The following HSDL1 variants were observed in gnomAD, a reference collection of about 807,000 sequenced individuals.
HSDL1 encodes hydroxysteroid dehydrogenase like 1.
A neutral mutation model predicts 31.5 loss-of-function variants in HSDL1; 29 were observed. That is an observed-to-expected ratio of 0.92 (90% CI 0.69 to 1.26). The LOEUF (loss-of-function observed/expected upper bound fraction) is 1.26. Among genes scored for constraint, HSDL1 ranks in the 50% most tolerant of loss-of-function variants. The pLI, the probability that HSDL1 is intolerant of heterozygous loss-of-function variation, is 0.00. For synonymous variants in HSDL1, 222 were observed against 155.2 expected (o/e 1.43, Z -3.20); for missense variants, 503 against 416.6 (o/e 1.21, Z -1.81).
intron 1 of HSDL1, among the ~76,000 whole-genome samples, chr16:84,143,433 G>A (rs1049916871): frequency 1.3e-5 from 2 of 152,180 alleles, no homozygotes; most frequent in Admixed American, 6.5e-5. Context: ...ACTTAGGGCT[G>A]CTGAGGGACA....
intron 1 of HSDL1, among the ~76,000 whole-genome samples, chr16:84,136,819 T>C (rs1354876127): frequency 9.2e-5 from 14 of 152,222 alleles, no homozygotes; most frequent in Admixed American, 9.2e-4. Context: ...GGGGGGCTGA[T>C]GGCATTCAAG....
intron 2 of HSDL1, among the ~76,000 whole-genome samples, chr16:84,133,725 T>A (rs1195920685): frequency 6.6e-6 from 1 of 152,052 alleles, no homozygotes; most frequent in South Asian, 2.1e-4. Flanking sequence ...TGAGACTCCA[T>A]CTCGAAACAA....
chr16:84,130,299 T>A lies in HSDL1; in HGVS notation c.353A>T (p.Glu118Val), dbSNP rs1365639341. 1 of 1,614,250 alleles carries A rather than the reference T, an allele frequency of 6.2e-7. No individual in the cohort carries two copies. Among genetic ancestry groups the A allele is most frequent in the Non-Finnish European group, 8.5e-7 (1 of 1,180,048 alleles). ...AKDIADTYKVETDIIVADFSS... is the reference protein window; with the variant it reads ...AKDIADTYKVVTDIIVADFSS... ...GAAGTCCGCAACTATAATATCAGTT[T>A]CCACTTTGTACGTGTCGGCTATGTC... Residue 118 changes from glutamate (E) to valine (V), a missense_variant, in exon 4 of 6, where the codon GAA (glutamate) becomes GTA (valine). By Grantham distance (121) the Glu-to-Val change is moderately radical. Coordinates refer to ENST00000219439, the MANE Select transcript of HSDL1 (RefSeq NM_031463.5).
intron 1 of HSDL1, among the ~76,000 whole-genome samples, chr16:84,142,919 GA>G (rs2086781876): frequency 6.6e-6 from 1 of 152,174 alleles, no homozygotes; most frequent in Non-Finnish European, 1.5e-5. Flanking sequence ...GACTTTTTGG[GA>G]TGTCTTTACC....
rs572551546 is a variant in HSDL1, at chr16:84,135,607, T to C, written c.-68-2A>G. ...CTCCGTCCTTCTCTTAAGGCCAATC[T>C]GTGAATAAAACCAACAAGAAACAAA... On this transcript the variant is annotated splice_acceptor_variant, in intron 1 of 5. Transcript: ENST00000219439. LOFTEE classifies it low-confidence loss of function (5UTR_SPLICE). 3.9e-5 allele frequency: 6 copies of C among 152,356 alleles called. No homozygotes were observed. In the East Asian group the frequency reaches 9.6e-4, roughly 24 times the overall value. 9.4% of individuals were successfully genotyped at this position (152,356 alleles called of 1,614,324 possible).
At chr16:84,131,871 G>C (rs1393598934) in intron 2 of HSDL1, among the ~76,000 whole-genome samples, 1 of 152,192 alleles carries the variant, frequency 6.6e-6, no homozygotes, top group Non-Finnish European at 1.5e-5. Context: ...AGTAGAGACA[G>C]GGTTTCACCG....
rs1476241307 is a variant in HSDL1 at position 84,122,852 on chromosome 16, AAGTTT to A, written c.*1773_*1777del. On this transcript the variant is annotated 3_prime_UTR_variant, in exon 6 of 6. Coordinates refer to ENST00000219439, the MANE Select transcript of HSDL1 (RefSeq NM_031463.5). ...TTTGCCCATGTCCTGCCAAGGAGAG[AAGTTT>A]ACATCATCACTGACAAGGTGTGTTC... The A allele has an allele frequency of 1.3e-5, 2 of 152,232 alleles. No homozygotes were observed. The highest frequency in any genetic ancestry group is 2.9e-5 in the Non-Finnish European group (2 of 68,052). 9.4% of individuals were successfully genotyped at this position (152,232 alleles called of 1,614,324 possible). A position where few individuals can be genotyped will look rare whatever the true frequency, so the allele number is the denominator to read the frequency against.
chr16:84,139,357 G>A (rs1043007909), intron 1 of HSDL1: 1 of 152,464 alleles, frequency 6.6e-6, no homozygotes, highest in Non-Finnish European at 1.5e-5. Context: ...TGACTACAAA[G>A]GGAGAGGTCA....
intron 5 of HSDL1, among the ~76,000 whole-genome samples, chr16:84,125,997 G>A (rs961974507): frequency 6.6e-6 from 1 of 152,038 alleles, no homozygotes; most frequent in South Asian, 2.1e-4. Flanking sequence ...CAGCTACTCA[G>A]GAGGCAGAGG....
At chr16:84,131,388 G>C (rs966318849) in intron 2 of HSDL1, 61 bp from the exon 3 acceptor site, 1 of 1,186,394 alleles carries the variant, frequency 8.4e-7, no homozygotes, top group Non-Finnish European at 1.3e-6. Flanking sequence ...AACATACACA[G>C]TCTGAGTGAA....
At chr16:84,143,720 G>C (rs1597383064) in intron 1 of HSDL1, among the ~76,000 whole-genome samples, 1 of 152,070 alleles carries the variant, frequency 6.6e-6, no homozygotes, top group African/African-American at 2.4e-5. Context: ...AACTTGGCCG[G>C]GTACAGTGGC....
chr16:84,131,603 C>T (rs1876966), intron 2 of HSDL1, among the ~76,000 whole-genome samples: 42,250 of 151,582 alleles, frequency 0.28, 6,420 homozygotes, highest in Non-Finnish European at 0.34. Flanking sequence ...CAACCTCCAC[C>T]TCCCGGGTTC....
In HSDL1 at chr16:84,127,209, C is replaced by CTTTTT. The variant is rs71148881; in HGVS notation, c.894+2334_894+2338dup. Among the ~76,000 whole-genome samples the CTTTTT allele has an allele frequency of 2.2e-3, 209 of 93,354 alleles. 3 individuals are homozygous for CTTTTT. The highest frequency in any genetic ancestry group is 2.9e-3 in the African/African-American group (76 of 25,942). 61.2% of individuals were successfully genotyped at this position (93,354 alleles called of 152,430 possible). A position where few individuals can be genotyped will look rare whatever the true frequency, so the allele number is the denominator to read the frequency against. ...AACTACTTAAATAAAACTGTTTCTTCTTTTTTTTTTTTTTTTTTTTTTTTT... is the reference window on the plus strand; with the variant it reads ...AACTACTTAAATAAAACTGTTTCTTCTTTTTTTTTTTTTTTTTTTTTTTTTTTTTT... On this transcript the variant is annotated intron_variant, in intron 5 of 5. Transcript: ENST00000219439.
intron 1 of HSDL1, among the ~76,000 whole-genome samples, chr16:84,137,282 G>A (rs1053653632): frequency 2.0e-5 from 3 of 152,198 alleles, no homozygotes; most frequent in African/African-American, 7.2e-5. Context: ...GAAAGGCTCG[G>A]CACCGTCAAG....
chr16:84,131,351 G>C (rs775885222), intron 2 of HSDL1, 24 bp from the exon 3 acceptor site: 123 of 1,481,794 alleles, frequency 8.3e-5, no homozygotes, highest in Non-Finnish European at 1.1e-4. Flanking sequence ...GAAAGAGAGA[G>C]AGCCTCTTTG....
intron 1 of HSDL1, among the ~76,000 whole-genome samples, chr16:84,138,665 C>G (rs891162139): frequency 6.6e-6 from 1 of 152,114 alleles, no homozygotes; most frequent in South Asian, 2.1e-4. Flanking sequence ...GCTTTGTTTT[C>G]TCATCTCTGC....
intron 1 of HSDL1, among the ~76,000 whole-genome samples, chr16:84,137,926 T>C (rs930278444): frequency 8.5e-5 from 13 of 152,248 alleles, no homozygotes; most frequent in African/African-American, 3.1e-4. Context: ...GTGGCTTGAT[T>C]AGCGAAAGCT....
intron 2 of HSDL1, among the ~76,000 whole-genome samples, chr16:84,132,536 G>A (rs905847133): frequency 2.0e-5 from 3 of 152,194 alleles, no homozygotes; most frequent in Non-Finnish European, 2.9e-5. Flanking sequence ...CAACTCTGTT[G>A]AGTGTCCACA....
In HSDL1 at chr16:84,130,263, C is replaced by A. The variant is rs146729333; in HGVS notation, c.389G>T (p.Arg130Leu). Residue 130 changes from arginine (R) to leucine (L), a missense_variant, in exon 4 of 6, where the codon CGT becomes CTT. Physicochemically the swap from Arg to Leu is moderately radical, Grantham distance 102. Transcript: ENST00000219439. ...TTCTCGAATTGGAAGGTAGATCTCA[C>A]GACCGCTGCTGAAGTCCGCAACTAT... ...DIIVADFSSG[R>L]EIYLPIREAL... 2 of 1,614,064 alleles carry A rather than the reference C, an allele frequency of 1.2e-6. No individual in the cohort carries two copies. The highest frequency in any genetic ancestry group is 8.5e-7 in the Non-Finnish European group (1 of 1,180,010).
Sources: gnomAD v4.1 joint callset for allele counts (sites outside exome capture counted in the v4.1 genomes callset) on GRCh38, gnomAD v4.1.1 for gene constraint, MANE v1.5 for transcripts, NCBI Gene and HGNC (gene_info 2026-07-23, HGNC 2026-07-21) for gene names.